The following FN1 variants were observed in gnomAD, a reference collection of about 807,000 sequenced individuals.
The protein encoded by FN1 is fibronectin 1.
In FN1, 106 loss-of-function variants were observed where a neutral mutation model predicts 297.3. The ratio of observed to expected loss-of-function variants is 0.36; its 90% CI spans 0.30 to 0.42. The LOEUF is 0.42. Ranked by LOEUF, FN1 falls within the 10% of genes least tolerant of loss-of-function variation. FN1 has a pLI of 1.00. For missense variants in FN1, 2,690 were observed against 3,124.9 expected (o/e 0.86, Z 3.32); for synonymous variants, 1,149 against 1,152.6 (o/e 1.00, Z 0.06).
intron 33 of FN1, chr2:215,380,494 C>A: frequency 2.7e-6 from 1 of 372,292 alleles, no homozygotes. Flanking sequence ...AACTTCTTTT[C>A]TTTATACATA....
At chr2:215,388,526 C>A (rs901655709) in intron 26 of FN1, among the ~76,000 whole-genome samples, 1 of 152,186 alleles carries the variant, frequency 6.6e-6, no homozygotes, top group Non-Finnish European at 1.5e-5. Context: ...TCGAAGCCCT[C>A]CATTCCACCT....
chr2:215,391,474 C>T (rs1291933552), intron 26 of FN1, among the ~76,000 whole-genome samples, 158 bp downstream of exon 26: 1 of 152,194 alleles, frequency 6.6e-6, no homozygotes, highest in African/African-American at 2.4e-5. Context: ...ACAAACATTA[C>T]ATCTTTCAAA....
chr2:215,375,576 G>T, intron 37 of FN1, 53 bp downstream of exon 37: 4 of 1,370,680 alleles, frequency 2.9e-6, no homozygotes, highest in Non-Finnish European at 4.2e-6. Context: ...TTGAGTTCAT[G>T]AAACTGATTG....
Position 215,375,340 on chromosome 2 carries a change from G to A in FN1, c.6031C>T (p.Leu2011=). The A allele has an allele frequency of 6.2e-7, 1 of 1,614,162 alleles. No individual in the cohort carries two copies. The highest frequency in any genetic ancestry group is 8.5e-7 in the Non-Finnish European group (1 of 1,180,032). The change falls in exon 38 of 46, where the codon CTG becomes TTG. Residue 2011 remains leucine, a synonymous_variant. Coordinates refer to ENST00000354785, the MANE Select transcript of FN1 (RefSeq NM_212482.4). The part of the protein sequence containing the change: ...RFLATTPNSL[L]VSWQPPRARI... ...GCACGTGGCGGCTGCCATGATACCA[G>A]CAAGGAATTGGGTGTGGTGGCCAGG...
intron 44 of FN1, chr2:215,364,236 C>G (rs1354265619): frequency 5.9e-6 from 1 of 169,926 alleles, no homozygotes; most frequent in Non-Finnish European, 1.3e-5. Context: ...AGTGCTAGAC[C>G]TATAACAAGC....
chr2:215,412,102 T>C (rs564458965), intron 13 of FN1, among the ~76,000 whole-genome samples: 45 of 152,314 alleles, frequency 3.0e-4, no homozygotes, highest in Middle Eastern at 6.8e-3. Context: ...TTGGATGCAC[T>C]GATGCTGTTG....
intron 40 of FN1, among the ~76,000 whole-genome samples, chr2:215,371,124 T>C (rs1330374013): frequency 6.6e-6 from 1 of 151,914 alleles, no homozygotes; most frequent in Non-Finnish European, 1.5e-5. Flanking sequence ...AAAAATTAGC[T>C]GGGTGCGGTG....
chr2:215,423,747 G>A (rs758937912), intron 8 of FN1, among the ~76,000 whole-genome samples: 15 of 135,980 alleles, frequency 1.1e-4, no homozygotes, highest in Non-Finnish European at 2.0e-4. Context: ...CATTTCCCCA[G>A]CACCCCCCCC....
At chr2:215,408,980 A>G (rs2062178485) in intron 15 of FN1, among the ~76,000 whole-genome samples, 1 of 151,944 alleles carries the variant, frequency 6.6e-6, no homozygotes, top group African/African-American at 2.4e-5. Context: ...AAGACGTATA[A>G]TTTTTGTAAT....
intron 23 of FN1, 67 bp downstream of exon 23, chr2:215,397,070 A>C: frequency 9.9e-7 from 1 of 1,008,024 alleles, no homozygotes; most frequent in Non-Finnish European, 1.6e-6. Context: ...AAAGAAACAC[A>C]GTTTCTAAAA....
At chr2:215,421,170 T>G (rs761880563) in intron 10 of FN1, 55 of 323,204 alleles carry the variant, frequency 1.7e-4, no homozygotes, top group African/African-American at 2.6e-4. Flanking sequence ...TTAGGATAAA[T>G]AAGAAGAAGA....
rs907101535 is a variant in FN1 at position 215,367,588 on chromosome 2, C to T, written c.7018+275G>A. The T allele has an allele frequency of 6.5e-5, 29 of 448,946 alleles. 1 individual carries two copies. The East Asian group carries it at 1.3e-3, about 20-fold the overall frequency. 27.8% of individuals were successfully genotyped at this position (448,946 alleles called of 1,614,324 possible). Reference sequence around the variant, plus strand: ...AAAAGTCTTTATCCATTTGTTTTCACAGAAAATTTCAAAAATCAAATTAGC... The same window carrying T: ...AAAAGTCTTTATCCATTTGTTTTCATAGAAAATTTCAAAAATCAAATTAGC... On this transcript the variant is annotated intron_variant, in intron 42 of 45. Coordinates refer to ENST00000354785, the MANE Select transcript of FN1 (RefSeq NM_212482.4).
intron 10 of FN1, chr2:215,421,073 T>C (rs990677162): frequency 7.2e-6 from 3 of 414,048 alleles, no homozygotes; most frequent in East Asian, 1.1e-4. Context: ...TACACTTTCC[T>C]GTGAGAAGCC....
At chr2:215,425,577 G>C (rs2065182394) in intron 6 of FN1, among the ~76,000 whole-genome samples, 1 of 152,012 alleles carries the variant, frequency 6.6e-6, no homozygotes, top group Non-Finnish European at 1.5e-5. Context: ...TTTTGAGATG[G>C]GGTCTCACTC....
In FN1 at chr2:215,397,559, G is replaced by A. The variant is rs1233960891; in HGVS notation, c.3517+121C>T. The stretch of plus-strand genomic sequence containing the variant: ...TTCAGGAATAGCATTAATAATATAA[G>A]TAAGGATAAGATATCTCCCCTGTGC... On this transcript the variant is annotated intron_variant, in intron 22 of 45. Coordinates refer to ENST00000354785, the MANE Select transcript of FN1 (RefSeq NM_212482.4). The A allele has an allele frequency of 3.6e-6, 3 of 825,798 alleles. No homozygotes were observed. In the African/African-American group the frequency reaches 5.1e-5, roughly 14 times the overall value. The allele number at this position is 825,798 out of a possible 1,614,324, so 51.2% of individuals were successfully genotyped here. A position where few individuals can be genotyped will look rare whatever the true frequency, so the allele number is the denominator to read the frequency against.
chr2:215,406,552 A>C, intron 18 of FN1, 42 bp from the exon 19 acceptor site: 1 of 1,604,274 alleles, frequency 6.2e-7, no homozygotes, highest in Non-Finnish European at 8.5e-7. Context: ...TTCTCTGCTG[A>C]AGATTACTTT....
chr2:215,366,888 A>G (rs956777633), intron 42 of FN1, among the ~76,000 whole-genome samples: 2 of 152,244 alleles, frequency 1.3e-5, no homozygotes, highest in African/African-American at 4.8e-5. Flanking sequence ...TAAAATTTCC[A>G]GCTCCTAAAC....
At chr2:215,434,847 G>T (rs368108383) in intron 1 of FN1, 23 bp from the exon 2 acceptor site, 38 of 1,539,196 alleles carry the variant, frequency 2.5e-5, no homozygotes, top group South Asian at 1.7e-4. Flanking sequence ...GAAGGAAAAC[G>T]TTACATTTGC....
In FN1 at chr2:215,378,270, A is replaced by G. The variant is rs1044803322; in HGVS notation, c.5623-8T>C. 3.2e-6 allele frequency: 5 copies of G among 1,564,094 alleles called. No individual in the cohort carries two copies. The African/African-American group carries it at 5.4e-5, about 17-fold the overall frequency. Reference sequence around the variant, plus strand: ...TTCATATTTGGTGGCCACCTAGAGAAATAAGGGCATGGTGAGCTTTAGCAA... The same window carrying G: ...TTCATATTTGGTGGCCACCTAGAGAGATAAGGGCATGGTGAGCTTTAGCAA... On this transcript the variant is annotated splice_region_variant and splice_polypyrimidine_tract_variant and intron_variant, in intron 34 of 45. Coordinates refer to ENST00000354785, the MANE Select transcript of FN1 (RefSeq NM_212482.4).
Sources: gnomAD v4.1 joint callset for allele counts (sites outside exome capture counted in the v4.1 genomes callset) on GRCh38, gnomAD v4.1.1 for gene constraint, MANE v1.5 for transcripts, NCBI Gene and HGNC (gene_info 2026-07-23, HGNC 2026-07-21) for gene names.